PRDM11: variants seen among roughly 807,000 people sequenced by gnomAD.
PRDM11 encodes the protein PR/SET domain 11, also known as PR domain-containing protein 11.
PRDM11 carries 20 observed loss-of-function variants against 97.8 expected under a neutral mutation model. That is an observed-to-expected ratio of 0.20 (90% CI 0.14 to 0.30). PRDM11 has a LOEUF of 0.30. Ranked by LOEUF, PRDM11 falls within the 10% of genes least tolerant of loss-of-function variation. The pLI, the probability that PRDM11 is intolerant of heterozygous loss-of-function variation, is 1.00. For missense variants in PRDM11, 1,139 were observed against 1,555.2 expected (o/e 0.73, Z 4.50); for synonymous variants, 599 against 637.7 (o/e 0.94, Z 0.91).
chr11:45,212,628 T>C, intron 5 of PRDM11: 1 of 456,270 alleles, frequency 2.2e-6, no homozygotes, highest in Non-Finnish European at 4.4e-6. Flanking sequence ...CCAGAGGCCC[T>C]GCCCCATCCC....
chr11:45,190,038 A>G (rs373473345), intron 4 of PRDM11, among the ~76,000 whole-genome samples: 12 of 152,134 alleles, frequency 7.9e-5, no homozygotes, highest in African/African-American at 2.9e-4. Context: ...TGTAATGAAT[A>G]CCCTCACACC....
intron 1 of PRDM11, among the ~76,000 whole-genome samples, chr11:45,096,378 C>T (rs1156870307): frequency 6.6e-6 from 1 of 152,228 alleles, no homozygotes; most frequent in Non-Finnish European, 1.5e-5. Flanking sequence ...ATTTCATTCA[C>T]ACGTCTTAAC....
chr11:45,127,029 T>C (rs1205799980), intron 1 of PRDM11, among the ~76,000 whole-genome samples: 2 of 152,146 alleles, frequency 1.3e-5, no homozygotes, highest in African/African-American at 2.4e-5. Flanking sequence ...GGAGACTTTG[T>C]TCGTTTCTTT....
rs1854335331 is a variant in PRDM11 at position 45,228,629 on chromosome 11, C to T, written c.*470C>T. ...GGTTTTATGATGGGAGGGAGCTCCTCAGCCTCCTCATTGACATTCTGGTCC... is the reference window on the plus strand; with the variant it reads ...GGTTTTATGATGGGAGGGAGCTCCTTAGCCTCCTCATTGACATTCTGGTCC... On this transcript the variant is annotated 3_prime_UTR_variant, in exon 8 of 8. Transcript: ENST00000683152. 6.6e-6 allele frequency: 1 copy of T among 152,130 alleles called. No homozygotes were observed. 9.4% of individuals were successfully genotyped at this position (152,130 alleles called of 1,614,324 possible).
intron 1 of PRDM11, among the ~76,000 whole-genome samples, chr11:45,124,832 A>G (rs1852526838): frequency 6.6e-6 from 1 of 152,212 alleles, no homozygotes; most frequent in Non-Finnish European, 1.5e-5. Context: ...AGGCTTTGGT[A>G]TCAGGATGAT....
Position 45,229,265 on chromosome 11 carries a change from C to A in PRDM11, c.*1106C>A, listed in dbSNP as rs115013397. ...GCAGGTAGTGTCAATGCAAATTGTG[C>A]CCTAAGTTATGCATAACTCAAATGA... On this transcript the variant is annotated 3_prime_UTR_variant, in exon 8 of 8. Transcript: ENST00000683152. 34 of 152,160 alleles carry A rather than the reference C, an allele frequency of 2.2e-4. No individual in the cohort carries two copies. The highest frequency in any genetic ancestry group is 8.2e-4 in the African/African-American group (34 of 41,496). 9.4% of individuals were successfully genotyped at this position (152,160 alleles called of 1,614,324 possible).
chr11:45,131,715 A>T (rs930855118), intron 1 of PRDM11, among the ~76,000 whole-genome samples: 2 of 152,238 alleles, frequency 1.3e-5, no homozygotes, highest in African/African-American at 4.8e-5. Context: ...GAAATGAAAG[A>T]GCATGCTCAA....
In PRDM11 at chr11:45,183,049, A is replaced by G. The variant is rs1852572890; in HGVS notation, c.412A>G (p.Lys138Glu). The change falls in exon 4 of 8, where the codon AAG becomes GAG. Residue 138 changes from lysine (K) to glutamate (E), a missense_variant. Coordinates refer to ENST00000683152, the MANE Select transcript of PRDM11 (RefSeq NM_001384648.1). ...GCGATGTGTAAACGAGGTCATCCCC[A>G]AGGGCCACATCTTCGGCCCCTATGA... ...DVRCVNEVIP[K>E]GHIFGPYEGQ... The G allele has an allele frequency of 1.2e-6, 2 of 1,613,956 alleles. No homozygotes were observed. Among genetic ancestry groups the G allele is most frequent in the African/African-American group, 1.3e-5 (1 of 74,910 alleles).
chr11:45,222,141 C>T (rs1184316109), intron 6 of PRDM11, among the ~76,000 whole-genome samples: 1 of 152,202 alleles, frequency 6.6e-6, no homozygotes, highest in African/African-American at 2.4e-5. Context: ...CGCATTCAAA[C>T]AATTTATGTT....
chr11:45,176,299 C>T (rs577581272), intron 1 of PRDM11, among the ~76,000 whole-genome samples: 1 of 152,096 alleles, frequency 6.6e-6, no homozygotes, highest in Non-Finnish European at 1.5e-5. Context: ...ATCGCTTGAA[C>T]CCAGGAGGCA....
At chr11:45,147,447 G>T (rs758593048) in intron 1 of PRDM11, 5 of 152,284 alleles carry the variant, frequency 3.3e-5, no homozygotes, top group African/African-American at 7.2e-5. Flanking sequence ...TCTCCATCGC[G>T]GTTCGCGATT....
intron 1 of PRDM11, among the ~76,000 whole-genome samples, chr11:45,141,041 T>C (rs1179976238): frequency 6.6e-6 from 1 of 152,168 alleles, no homozygotes; most frequent in African/African-American, 2.4e-5. Context: ...TTTCAACCTC[T>C]TTGATTTTAC....
chr11:45,219,508 C>A lies in PRDM11; in HGVS notation c.555-62C>A. ...CCACACTTGCCCAGCACTGTGCCGG[C>A]ACCAGCGGGCACTCAACAAAGGGTG... is the stretch of plus-strand genomic sequence containing the variant. On this transcript the variant is annotated intron_variant, in intron 5 of 7. Coordinates refer to ENST00000683152, the MANE Select transcript of PRDM11 (RefSeq NM_001384648.1). The surrounding 1 kb of genome is among the most constrained non-coding windows in gnomAD (Gnocchi z 4.2). 6.8e-7 allele frequency: 1 copy of A among 1,476,642 alleles called. No individual in the cohort carries two copies. The highest frequency in any genetic ancestry group is 9.3e-7 in the Non-Finnish European group (1 of 1,078,012). 91.5% of individuals were successfully genotyped at this position (1,476,642 alleles called of 1,614,324 possible).
intron 5 of PRDM11, among the ~76,000 whole-genome samples, chr11:45,212,154 C>T (rs1853763749): frequency 6.6e-6 from 1 of 152,206 alleles, no homozygotes; most frequent in Non-Finnish European, 1.5e-5. Flanking sequence ...GATGAACTGA[C>T]TGCTGAGGTC....
chr11:45,189,572 G>A (rs989698908), intron 4 of PRDM11, among the ~76,000 whole-genome samples: 1 of 152,214 alleles, frequency 6.6e-6, no homozygotes, highest in East Asian at 1.9e-4. Context: ...ACACTGTGTG[G>A]TGGAATTGTC....
intron 5 of PRDM11, 25 bp downstream of exon 5, chr11:45,204,803 C>A (rs767892912): frequency 6.3e-7 from 1 of 1,592,272 alleles, no homozygotes; most frequent in Non-Finnish European, 8.6e-7. Context: ...GCTGATGTCC[C>A]GGGGGTCTTG....
intron 1 of PRDM11, among the ~76,000 whole-genome samples, chr11:45,150,798 G>T (rs967037169): frequency 6.6e-6 from 1 of 152,218 alleles, no homozygotes; most frequent in Non-Finnish European, 1.5e-5. Context: ...AGAAGAAGAT[G>T]TTGATGATGG....
intron 1 of PRDM11, among the ~76,000 whole-genome samples, chr11:45,112,798 G>A (rs1424223286): frequency 6.6e-6 from 1 of 151,896 alleles, no homozygotes; most frequent in African/African-American, 2.4e-5. Flanking sequence ...TTGTGTGTGT[G>A]TGTGTGTGTG....
chr11:45,205,023 G>A (rs995876892), intron 5 of PRDM11, among the ~76,000 whole-genome samples: 1 of 152,222 alleles, frequency 6.6e-6, no homozygotes, highest in Admixed American at 6.5e-5. Flanking sequence ...TCACTTGCCA[G>A]TGTGTCTGGA....
Sources: gnomAD v4.1 joint callset for allele counts (sites outside exome capture counted in the v4.1 genomes callset) on GRCh38, gnomAD v4.1.1 for gene constraint, Gnocchi (gnomAD v3.1) non-coding constraint, MANE v1.5 for transcripts, NCBI Gene and HGNC (gene_info 2026-07-23, HGNC 2026-07-21) for gene names.